The following FOXK1 variants were observed in gnomAD, a reference collection of about 807,000 sequenced individuals.
FOXK1 encodes forkhead box protein K1.
Under a neutral mutation model 51.9 loss-of-function variants are expected in FOXK1, and 19 were observed. The ratio of observed to expected loss-of-function variants is 0.37; its 90% CI spans 0.26 to 0.54. The LOEUF (loss-of-function observed/expected upper bound fraction) is 0.54. Among genes scored for constraint, FOXK1 ranks in the 20% least tolerant of loss-of-function variants. FOXK1 has a pLI of 0.87. For synonymous variants in FOXK1, 537 were observed against 482.6 expected, an observed-to-expected ratio of 1.11 and a Z score of -1.48; for missense variants, 870 against 1,032.7, an observed-to-expected ratio of 0.84 and a Z score of 2.16.
chr7:4,706,006 A>G (rs11768114), intron 1 of FOXK1, among the ~76,000 whole-genome samples: 3,311 of 99,948 alleles, frequency 0.033, 224 homozygotes, highest in Non-Finnish European at 0.037. Flanking sequence ...ATATATACGT[A>G]TATATACGTA....
chr7:4,742,003 C>A (rs114567644), intron 2 of FOXK1, among the ~76,000 whole-genome samples: 10 of 152,354 alleles, frequency 6.6e-5, no homozygotes, highest in Non-Finnish European at 1.5e-4. Flanking sequence ...CTCTTCATTG[C>A]GGACATTTCT....
In FOXK1 at chr7:4,761,031, G is replaced by A. The variant is rs777291382; in HGVS notation, c.1697-33G>A. 3.8e-6 allele frequency: 6 copies of A among 1,584,896 alleles called. No homozygotes were observed. Among genetic ancestry groups the A allele is most frequent in the Admixed American group, 3.4e-5 (2 of 59,696 alleles). On this transcript the variant is annotated intron_variant, in intron 7 of 8. Transcript: ENST00000328914. The surrounding 1 kb of genome is among the most constrained non-coding windows in gnomAD (Gnocchi z 6.2). Reference sequence around the variant, plus strand: ...GAGGAAATCGATTGTCTCGTTGGCCGAGTGTGGTGCTGACTTGGTTCCTGT... The same window carrying A: ...GAGGAAATCGATTGTCTCGTTGGCCAAGTGTGGTGCTGACTTGGTTCCTGT...
intron 5 of FOXK1, 28 bp downstream of exon 5, chr7:4,757,215 A>G: frequency 6.4e-7 from 1 of 1,559,486 alleles, no homozygotes. Context: ...CCCGTCCTCC[A>G]GCTGTTAGGA....
At chr7:4,686,805 A>G (rs1008456948) in intron 1 of FOXK1, among the ~76,000 whole-genome samples, 6 of 149,754 alleles carry the variant, frequency 4.0e-5, no homozygotes, top group East Asian at 2.0e-4. Context: ...CTGGTGTCCT[A>G]AAAGGACCAT....
intron 1 of FOXK1, among the ~76,000 whole-genome samples, chr7:4,739,779 C>T (rs1034775525): frequency 6.6e-6 from 1 of 152,324 alleles, no homozygotes; most frequent in Admixed American, 6.5e-5. Context: ...ATCTTCTAGG[C>T]AGTGGCAGGG....
In FOXK1 at chr7:4,743,689, G is replaced by A. The variant is rs1780664181; in HGVS notation, c.746+2666G>A. ...GAAATGGTGGCCAAGACCAGCTCAC[G>A]TGCTAGTGGAAGCTCACACCAGAAG... is the stretch of plus-strand genomic sequence containing the variant. On this transcript the variant is annotated intron_variant, in intron 2 of 8. Transcript: ENST00000328914. This position sits in a 1 kb window ranked among gnomAD's most constrained non-coding sequence, Gnocchi z 5.3. 6.6e-6 allele frequency among the ~76,000 whole-genome samples: 1 copy of A among 152,180 alleles called. No individual in the cohort carries two copies. The highest frequency in any genetic ancestry group is 2.4e-5 in the African/African-American group (1 of 41,444).
In FOXK1 at chr7:4,707,415, G is replaced by A. The variant is rs906924996; in HGVS notation, c.560+24547G>A. On this transcript the variant is annotated intron_variant, in intron 1 of 8. Coordinates refer to ENST00000328914, the MANE Select transcript of FOXK1 (RefSeq NM_001037165.2). The surrounding 1 kb of genome is among the most constrained non-coding windows in gnomAD (Gnocchi z 4.1). Reference sequence around the variant, plus strand: ...ACATCCGGCAATGCTGCTGAAAGCAGGCCTCTCCCTGGGCGGGCTTTCCGT... The same window carrying A: ...ACATCCGGCAATGCTGCTGAAAGCAAGCCTCTCCCTGGGCGGGCTTTCCGT... 6.6e-6 allele frequency among the ~76,000 whole-genome samples: 1 copy of A among 152,214 alleles called. No homozygotes were observed. The highest frequency in any genetic ancestry group is 2.4e-5 in the African/African-American group (1 of 41,452).
intron 1 of FOXK1, among the ~76,000 whole-genome samples, chr7:4,706,834 C>G (rs999505266): frequency 6.6e-6 from 1 of 152,134 alleles, no homozygotes; most frequent in African/African-American, 2.4e-5. Flanking sequence ...CCTTGGCCGC[C>G]CGGATGCCGA....
chr7:4,704,886 C>T (rs577039795), intron 1 of FOXK1, among the ~76,000 whole-genome samples: 1 of 147,030 alleles, frequency 6.8e-6, no homozygotes, highest in East Asian at 2.0e-4. Context: ...GGCTGGAGTG[C>T]AGTGGCATGA....
At position 4,707,283 on chromosome 7, in the gene FOXK1, T is replaced by A. The variant is rs1780114133; in HGVS notation, c.560+24415T>A. On this transcript the variant is annotated intron_variant, in intron 1 of 8. Transcript: ENST00000328914. The surrounding 1 kb of genome is among the most constrained non-coding windows in gnomAD (Gnocchi z 4.1). ...GGAGGGGACGCTGGTAAAGAGCAGGTCTGGCTCAGTGCTTATTTCAGGGAA... is the reference window on the plus strand; with the variant it reads ...GGAGGGGACGCTGGTAAAGAGCAGGACTGGCTCAGTGCTTATTTCAGGGAA... Among the ~76,000 whole-genome samples the A allele has an allele frequency of 6.6e-6, 1 of 152,146 alleles. No homozygotes were observed. Among genetic ancestry groups the A allele is most frequent in the South Asian group, 2.1e-4 (1 of 4,830 alleles).
chr7:4,723,375 T>C lies in FOXK1; in HGVS notation c.561-17463T>C, dbSNP rs1168660295. On this transcript the variant is annotated intron_variant, in intron 1 of 8. Transcript: ENST00000328914. The surrounding 1 kb of genome is among the most constrained non-coding windows in gnomAD (Gnocchi z 4.7). ...CTTAATTTGTCTTCTCAAAGCTGTT[T>C]TTGTTTTCTGTGGGGTTTTTTTTTT... Among the ~76,000 whole-genome samples the C allele has an allele frequency of 6.6e-6, 1 of 152,090 alleles. No individual in the cohort carries two copies. The highest frequency in any genetic ancestry group is 1.5e-5 in the Non-Finnish European group (1 of 67,996).
In FOXK1 at chr7:4,763,736, GA is replaced by G. The variant is rs1780969751; in HGVS notation, c.*1273del. The G allele has an allele frequency of 6.6e-6, 1 of 152,350 alleles. No homozygotes were observed. The highest frequency in any genetic ancestry group is 1.5e-5 in the Non-Finnish European group (1 of 68,110). The allele number at this position is 152,350 out of a possible 1,614,324, so 9.4% of individuals were successfully genotyped here. ...CCATTAAGACAGCCAGTGGTTCCTG[GA>G]TCTTTGTCACCAAGCAGCGTTGAGC... On this transcript the variant is annotated 3_prime_UTR_variant, in exon 9 of 9. Coordinates refer to ENST00000328914, the MANE Select transcript of FOXK1 (RefSeq NM_001037165.2).
chr7:4,738,540 A>G (rs531296134), intron 1 of FOXK1, among the ~76,000 whole-genome samples: 4 of 152,194 alleles, frequency 2.6e-5, no homozygotes, highest in African/African-American at 9.6e-5. Flanking sequence ...TGTAAAGGAC[A>G]TCAGACGTTC....
chr7:4,724,597 CGTT>C (rs1427284059), intron 1 of FOXK1, among the ~76,000 whole-genome samples: 1 of 152,194 alleles, frequency 6.6e-6, no homozygotes, highest in African/African-American at 2.4e-5. Context: ...GTCTGTGCCT[CGTT>C]GTGTGTGTGT....
chr7:4,723,958 T>C lies in FOXK1; in HGVS notation c.561-16880T>C, dbSNP rs1198652924. 6.6e-6 allele frequency among the ~76,000 whole-genome samples: 1 copy of C among 150,534 alleles called. No homozygotes were observed. Among genetic ancestry groups the C allele is most frequent in the East Asian group, 2.0e-4 (1 of 5,030 alleles). On this transcript the variant is annotated intron_variant, in intron 1 of 8. Coordinates refer to ENST00000328914, the MANE Select transcript of FOXK1 (RefSeq NM_001037165.2). This position sits in a 1 kb window ranked among gnomAD's most constrained non-coding sequence, Gnocchi z 4.7. The stretch of plus-strand genomic sequence containing the variant: ...AGTGCTGGGATTACAGGCGTGCACC[T>C]CTGTGCTCGGCCCATTCGATTTTTA...
At chr7:4,741,871 C>T (rs1307943647) in intron 2 of FOXK1, among the ~76,000 whole-genome samples, 3 of 152,192 alleles carry the variant, frequency 2.0e-5, no homozygotes, top group East Asian at 1.9e-4. Flanking sequence ...GAGTCACACA[C>T]GAACCTCAGG....
rs1016253472 is a variant in FOXK1, at chr7:4,734,127, C to G, written c.561-6711C>G. On this transcript the variant is annotated intron_variant, in intron 1 of 8. Transcript: ENST00000328914. This position sits in a 1 kb window ranked among gnomAD's most constrained non-coding sequence, Gnocchi z 5.2. Reference sequence around the variant, plus strand: ...CCTTAGTAACCGTGCCGCCCAGCTCCTAGAAGACACGCGACTCCACAGCAG... The same window carrying G: ...CCTTAGTAACCGTGCCGCCCAGCTCGTAGAAGACACGCGACTCCACAGCAG... Among the ~76,000 whole-genome samples the G allele has an allele frequency of 6.6e-6, 1 of 152,214 alleles. No individual in the cohort carries two copies. Among genetic ancestry groups the G allele is most frequent in the African/African-American group, 2.4e-5 (1 of 41,454 alleles).
intron 1 of FOXK1, among the ~76,000 whole-genome samples, chr7:4,684,468 T>G (rs1465440970): frequency 6.6e-6 from 1 of 152,226 alleles, no homozygotes; most frequent in Non-Finnish European, 1.5e-5. Flanking sequence ...AGAGGGGAAG[T>G]ATACCTTTTT....
chr7:4,747,357 C>T lies in FOXK1; in HGVS notation c.746+6334C>T, dbSNP rs1199762084. 6.6e-6 allele frequency among the ~76,000 whole-genome samples: 1 copy of T among 152,226 alleles called. No individual in the cohort carries two copies. The highest frequency in any genetic ancestry group is 2.4e-5 in the African/African-American group (1 of 41,456). On this transcript the variant is annotated intron_variant, in intron 2 of 8. Coordinates refer to ENST00000328914, the MANE Select transcript of FOXK1 (RefSeq NM_001037165.2). The surrounding 1 kb of genome is among the most constrained non-coding windows in gnomAD (Gnocchi z 9.2). ...GCCTAGCTGCGGGGCCGCCTCTCCG[C>T]TCAAGCACCCACTCAGCTCTGTGAG...
Sources: allele counts gnomAD v4.1 joint callset (sites outside exome capture counted in the v4.1 genomes callset), GRCh38; gene constraint gnomAD v4.1.1; non-coding constraint Gnocchi (gnomAD v3.1); transcripts MANE v1.5; gene names NCBI Gene and HGNC (gene_info 2026-07-23, HGNC 2026-07-21).